The following CDC42BPA variants were observed in gnomAD, a reference collection of about 807,000 sequenced individuals.
The protein encoded by CDC42BPA is CDC42 binding protein kinase alpha.
A neutral mutation model predicts 223.5 loss-of-function variants in CDC42BPA; 80 were observed. The ratio of observed to expected loss-of-function variants is 0.36; its 90% confidence interval spans 0.30 to 0.43. The LOEUF (loss-of-function observed/expected upper bound fraction) is 0.43. Among genes scored for constraint, CDC42BPA ranks in the 20% least tolerant of loss-of-function variants. CDC42BPA has a pLI of 1.00. For synonymous variants in CDC42BPA, 694 were observed against 718.6 expected (o/e 0.97, Z 0.55); for missense variants, 1,743 against 2,099.9 (o/e 0.83, Z 3.32).
chr1:227,265,282 T>C (rs1242036263), intron 1 of CDC42BPA: 2 of 504,046 alleles, frequency 4.0e-6, no homozygotes, highest in Non-Finnish European at 7.2e-6. Context: ...TGAGAAGTTA[T>C]TTAGACACAA....
intron 1 of CDC42BPA, among the ~76,000 whole-genome samples, chr1:227,263,606 G>A (rs938741539): frequency 3.5e-5 from 5 of 143,714 alleles, no homozygotes; most frequent in African/African-American, 5.2e-5. Flanking sequence ...TTTTTGAAAC[G>A]GAGTCTCGCT....
intron 3 of CDC42BPA, among the ~76,000 whole-genome samples, chr1:227,201,512 C>T (rs919322338): frequency 1.3e-5 from 2 of 152,134 alleles, no homozygotes; most frequent in Admixed American, 6.6e-5. Flanking sequence ...AACACTATGA[C>T]AGAAACTTCA....
intron 20 of CDC42BPA, among the ~76,000 whole-genome samples, chr1:227,070,128 TA>T (rs1343557042): frequency 6.6e-6 from 1 of 151,876 alleles, no homozygotes. Flanking sequence ...AAAACCACAT[TA>T]AATCTTTTGG....
intron 1 of CDC42BPA, among the ~76,000 whole-genome samples, chr1:227,278,901 C>T (rs1687565897): frequency 6.6e-6 from 1 of 151,850 alleles, no homozygotes; most frequent in Non-Finnish European, 1.5e-5. Flanking sequence ...TAAATTAGCC[C>T]AATATGAAGA....
In CDC42BPA at chr1:227,016,320, G is replaced by C. The variant is rs1250762381; in HGVS notation, c.4740-123C>G. The C allele has an allele frequency of 1.6e-5, 11 of 672,570 alleles. No individual in the cohort carries two copies. In the African/African-American group the frequency reaches 1.8e-4, roughly 11 times the overall value. The allele number at this position is 672,570 out of a possible 1,614,324, so 41.7% of individuals were successfully genotyped here. ...GTTAAATCACATTAATAAGAATATA[G>C]AGTAACAGAATATACTCAATTAAAA... On this transcript the variant is annotated intron_variant, in intron 33 of 36. Transcript: ENST00000366766.
intron 5 of CDC42BPA, among the ~76,000 whole-genome samples, chr1:227,166,749 T>C (rs1345221066): frequency 2.0e-5 from 3 of 152,188 alleles, no homozygotes; most frequent in Non-Finnish European, 2.9e-5. Flanking sequence ...TTCCCATTAG[T>C]GCTCACTAGG....
At chr1:227,037,975 T>C (rs1283449033) in intron 24 of CDC42BPA, among the ~76,000 whole-genome samples, 2 of 152,130 alleles carry the variant, frequency 1.3e-5, no homozygotes, top group African/African-American at 2.4e-5. Context: ...AAATTTACAA[T>C]GAAGCTTGGG....
intron 1 of CDC42BPA, among the ~76,000 whole-genome samples, chr1:227,296,483 A>T (rs901465380): frequency 2.0e-5 from 3 of 152,164 alleles, no homozygotes; most frequent in Non-Finnish European, 2.9e-5. Flanking sequence ...AGGTGGGCAG[A>T]TCACTTGAGG....
chr1:227,137,454 A>G (rs1166632148), intron 10 of CDC42BPA, among the ~76,000 whole-genome samples: 3 of 152,084 alleles, frequency 2.0e-5, no homozygotes, highest in Non-Finnish European at 2.9e-5. Context: ...CTCTTTGAAA[A>G]TATCTTCTAA....
At chr1:227,291,909 G>A (rs572506584) in intron 1 of CDC42BPA, among the ~76,000 whole-genome samples, 1 of 151,996 alleles carries the variant, frequency 6.6e-6, no homozygotes, top group African/African-American at 2.4e-5. Context: ...AATAAATAAA[G>A]TACAATGTTC....
Position 226,991,338 on chromosome 1 carries a change from GCTA to G in CDC42BPA, c.*2927_*2929del, listed in dbSNP as rs1384885914. 1 of 152,210 alleles carries G rather than the reference GCTA, an allele frequency of 6.6e-6. No homozygotes were observed. The highest frequency in any genetic ancestry group is 1.5e-5 in the Non-Finnish European group (1 of 68,036). 9.4% of individuals were successfully genotyped at this position (152,210 alleles called of 1,614,324 possible). A position where few individuals can be genotyped will look rare whatever the true frequency, so the allele number is the denominator to read the frequency against. On this transcript the variant is annotated 3_prime_UTR_variant, in exon 37 of 37. Transcript: ENST00000366766. ...ATAAAATACTTTATCTGTGAGCTGTGCTACTGACTCCTCTGAATGGTCATTATG... is the reference window on the plus strand; with the variant it reads ...ATAAAATACTTTATCTGTGAGCTGTGCTGACTCCTCTGAATGGTCATTATG...
At chr1:227,021,745 C>G (rs368593991) in intron 32 of CDC42BPA, among the ~76,000 whole-genome samples, 1 of 151,936 alleles carries the variant, frequency 6.6e-6, no homozygotes, top group Non-Finnish European at 1.5e-5. Context: ...CATGGCCAGG[C>G]GCGGTGGCTC....
intron 23 of CDC42BPA, among the ~76,000 whole-genome samples, chr1:227,045,322 T>C (rs963136263): frequency 6.6e-6 from 1 of 152,194 alleles, no homozygotes; most frequent in African/African-American, 2.4e-5. Context: ...CATTTTGCCT[T>C]GGGTAAGTAT....
intron 8 of CDC42BPA, 76 bp from the exon 9 acceptor site, chr1:227,143,100 CA>C: frequency 1.1e-6 from 1 of 879,952 alleles, no homozygotes; most frequent in Non-Finnish European, 1.6e-6. Flanking sequence ...TATAAAATGC[CA>C]AAAAGAAATA....
At chr1:227,274,221 C>T (rs893067868) in intron 1 of CDC42BPA, among the ~76,000 whole-genome samples, 1 of 152,070 alleles carries the variant, frequency 6.6e-6, no homozygotes, top group Non-Finnish European at 1.5e-5. Context: ...GTGGCCACAT[C>T]TCCACAAAAA....
At chr1:227,253,225 G>GA (rs1164963878) in intron 2 of CDC42BPA, among the ~76,000 whole-genome samples, 2 of 138,680 alleles carry the variant, frequency 1.4e-5, no homozygotes, top group Admixed American at 7.3e-5. Context: ...GAGAGAGAGA[G>GA]GAGGGAGAGA....
chr1:227,039,968 T>G (rs1269909381), intron 24 of CDC42BPA, among the ~76,000 whole-genome samples, 163 bp downstream of exon 24: 1 of 152,164 alleles, frequency 6.6e-6, no homozygotes, highest in Non-Finnish European at 1.5e-5. Flanking sequence ...ATATGTCTAG[T>G]TTCTCGAACA....
At chr1:226,998,676 TA>T (rs1662127920) in intron 35 of CDC42BPA, among the ~76,000 whole-genome samples, 1 of 152,116 alleles carries the variant, frequency 6.6e-6, no homozygotes, top group South Asian at 2.1e-4. Flanking sequence ...ACATAAGATC[TA>T]AAACCATAAA....
chr1:227,015,716 G>T (rs910827117), intron 34 of CDC42BPA, among the ~76,000 whole-genome samples: 1 of 151,948 alleles, frequency 6.6e-6, no homozygotes, highest in Non-Finnish European at 1.5e-5. Context: ...CCAAATATCT[G>T]TATTGATTTG....
Sources: allele counts gnomAD v4.1 joint callset (sites outside exome capture counted in the v4.1 genomes callset), GRCh38; gene constraint gnomAD v4.1.1; transcripts MANE v1.5; gene names NCBI Gene and HGNC (gene_info 2026-07-23, HGNC 2026-07-21).